Variants in SETDB1 observed in about 807,000 individuals in gnomAD.
The protein encoded by SETDB1 is histone-lysine N-methyltransferase SETDB1.
Under a neutral mutation model 137.4 loss-of-function variants are expected in SETDB1, and 31 were observed. That is an observed-to-expected ratio of 0.23 (90% confidence interval 0.17 to 0.30). The LOEUF (loss-of-function observed/expected upper bound fraction) is 0.30. Among genes scored for constraint, SETDB1 ranks in the 10% least tolerant of loss-of-function variants. The pLI is 1.00. For missense variants in SETDB1, 1,113 were observed against 1,631.5 expected (o/e 0.68, Z 5.47); for synonymous variants, 548 against 579.9 (o/e 0.95, Z 0.79).
At chr1:150,955,624 A>G (rs943138219) in intron 14 of SETDB1, among the ~76,000 whole-genome samples, 2 of 152,152 alleles carry the variant, frequency 1.3e-5, no homozygotes, top group Non-Finnish European at 2.9e-5. Context: ...TTACTCCCTT[A>G]ATTCTCTCAT....
In SETDB1 at chr1:150,951,158, T is replaced by C; in HGVS notation, c.2216+68T>C. 2.0e-6 allele frequency: 3 copies of C among 1,503,386 alleles called. No individual in the cohort carries two copies. The South Asian group carries it at 3.7e-5, about 19-fold the overall frequency. The allele number at this position is 1,503,386 out of a possible 1,614,324, so 93.1% of individuals were successfully genotyped here. On this transcript the variant is annotated intron_variant, in intron 13 of 21. Transcript: ENST00000692827. ...TTATGGTGTCTGTTTCACCTCTTCCTTTGCCTTGTATCTGTACTGCTTTCC... is the reference window on the plus strand; with the variant it reads ...TTATGGTGTCTGTTTCACCTCTTCCCTTGCCTTGTATCTGTACTGCTTTCC...
chr1:150,941,698 A>G (rs1266176271), intron 5 of SETDB1, among the ~76,000 whole-genome samples: 1 of 152,174 alleles, frequency 6.6e-6, no homozygotes, highest in Non-Finnish European at 1.5e-5. Context: ...CTCTTGTTAC[A>G]AAAAGGTTTG....
At chr1:150,946,777 A>G in intron 9 of SETDB1, 109 bp from the exon 10 acceptor site, 5 of 1,305,146 alleles carry the variant, frequency 3.8e-6, no homozygotes, top group Middle Eastern at 2.2e-4. Flanking sequence ...TTTAAGGCTC[A>G]TCAGGGAGGA....
chr1:150,928,579 T>C (rs151145423), intron 2 of SETDB1, among the ~76,000 whole-genome samples: 154 of 152,342 alleles, frequency 1.0e-3, no homozygotes, highest in African/African-American at 3.7e-3. Flanking sequence ...CCAAAAGATT[T>C]GTTTCTGGTG....
chr1:150,953,048 T>C (rs587773572), intron 14 of SETDB1, among the ~76,000 whole-genome samples: 13 of 152,250 alleles, frequency 8.5e-5, no homozygotes, highest in African/African-American at 2.9e-4. Flanking sequence ...AGAGACAATG[T>C]TGATAATAGA....
At position 150,949,372 on chromosome 1, in the gene SETDB1, T is replaced by C. The variant is rs1670430598; in HGVS notation, c.1430T>C (p.Leu477Ser). The change falls in exon 12 of 22, where the codon TTG (leucine) becomes TCG (serine). Residue 477 changes from leucine to serine, a missense_variant. Leu to Ser is a moderately radical substitution (Grantham distance 145). Coordinates refer to ENST00000692827, the MANE Select transcript of SETDB1 (RefSeq NM_001366418.1). Reference sequence around the variant, plus strand: ...CCTCTTCTCTAATCTCCTAGAAGCTTGGAAAGCCAGCTTGCCCAGTCACGG... The same window carrying C: ...CCTCTTCTCTAATCTCCTAGAAGCTCGGAAAGCCAGCTTGCCCAGTCACGG... ...LSPQAGDSES[L>S]ESQLAQSRKQ... The C allele has an allele frequency of 1.9e-6, 3 of 1,614,200 alleles. No individual in the cohort carries two copies. The highest frequency in any genetic ancestry group is 1.3e-5 in the African/African-American group (1 of 75,064).
intron 13 of SETDB1, 129 bp from the exon 14 acceptor site, chr1:150,951,236 T>G: frequency 1.8e-6 from 2 of 1,130,454 alleles, no homozygotes; most frequent in Non-Finnish European, 2.6e-6. Flanking sequence ...AAGGCCTCCA[T>G]GAAAGCTATG....
At chr1:150,962,361 G>A (rs1571664214) in intron 17 of SETDB1, among the ~76,000 whole-genome samples, 1 of 152,176 alleles carries the variant, frequency 6.6e-6, no homozygotes, top group East Asian at 1.9e-4. Flanking sequence ...TAGACACGGG[G>A]TTTCACCATG....
At position 150,949,490 on chromosome 1, in the gene SETDB1, C is replaced by G. The variant is rs759253715; in HGVS notation, c.1548C>G (p.Val516=). 1.9e-6 allele frequency: 3 copies of G among 1,614,082 alleles called. No homozygotes were observed. The highest frequency in any genetic ancestry group is 3.3e-5 in the Admixed American group (2 of 59,998). ...SPTSPALSEN[V]SGGKPGINQT... ...CATCTCCTGCACTCAGTGAAAATGT[C>G]TCTGGTGGGAAACCTGGGATCAACC... The change falls in exon 12 of 22, where the codon GTC becomes GTG. Residue 516 remains valine (V), a synonymous_variant. Coordinates refer to ENST00000692827, the MANE Select transcript of SETDB1 (RefSeq NM_001366418.1).
intron 2 of SETDB1, among the ~76,000 whole-genome samples, chr1:150,929,212 A>G (rs1006420413): frequency 6.6e-6 from 1 of 152,116 alleles, no homozygotes; most frequent in African/African-American, 2.4e-5. Context: ...TCCCACCAAC[A>G]GTGTAAAAGT....
intron 4 of SETDB1, among the ~76,000 whole-genome samples, chr1:150,940,955 G>A (rs971768585): frequency 1.1e-4 from 17 of 151,258 alleles, no homozygotes; most frequent in African/African-American, 4.1e-4. Context: ...CCTAAATCAT[G>A]CCATTGCACT....
chr1:150,963,352 C>G (rs587703668), intron 19 of SETDB1, 178 bp from the exon 20 acceptor site: 98 of 732,730 alleles, frequency 1.3e-4, no homozygotes, highest in Non-Finnish European at 2.0e-4. Flanking sequence ...GCTCCTTTGT[C>G]TAGCAGATCT....
At chr1:150,933,361 A>AT (rs992903592) in intron 3 of SETDB1, among the ~76,000 whole-genome samples, 1 of 88,056 alleles carries the variant, frequency 1.1e-5, no homozygotes, top group African/African-American at 4.3e-5. Context: ...TGCCTGGCCT[A>AT]TTTTGTCTTT....
chr1:150,946,882 C>T lies in SETDB1; in HGVS notation c.1141-4C>T. ...CCCTTCATTCTTTTCTCTCAATTCCCCAGGATGACAAAAGATGTGAGTGGA... is the reference window on the plus strand; with the variant it reads ...CCCTTCATTCTTTTCTCTCAATTCCTCAGGATGACAAAAGATGTGAGTGGA... On this transcript the variant is annotated splice_region_variant and splice_polypyrimidine_tract_variant and intron_variant, in intron 9 of 21. Transcript: ENST00000692827. The T allele has an allele frequency of 1.9e-6, 3 of 1,613,976 alleles. No individual in the cohort carries two copies. Among genetic ancestry groups the T allele is most frequent in the Non-Finnish European group, 2.5e-6 (3 of 1,179,892 alleles).
chr1:150,933,280 G>A (rs951781077), intron 3 of SETDB1, among the ~76,000 whole-genome samples: 1 of 151,302 alleles, frequency 6.6e-6, no homozygotes. Context: ...GGCTGGTCTC[G>A]AACTCCTGAG....
chr1:150,938,934 G>A (rs1055051344), intron 3 of SETDB1, among the ~76,000 whole-genome samples: 17 of 151,450 alleles, frequency 1.1e-4, no homozygotes, highest in African/African-American at 3.9e-4. Context: ...CAGAGGTTGC[G>A]GTGAGCCTAG....
chr1:150,964,586 C>A lies in SETDB1; in HGVS notation c.*222C>A. The A allele has an allele frequency of 1.5e-6, 1 of 686,698 alleles. No individual in the cohort carries two copies. The highest frequency in any genetic ancestry group is 2.7e-6 in the Non-Finnish European group (1 of 375,780). The allele number at this position is 686,698 out of a possible 1,614,324, so 42.5% of individuals were successfully genotyped here. On this transcript the variant is annotated 3_prime_UTR_variant, in exon 22 of 22. Transcript: ENST00000692827. Reference sequence around the variant, plus strand: ...GCCCTAAAGGGTGGGGAGAGATCACCACTCTAACCTCGGCCTGACATCCCT... The same window carrying A: ...GCCCTAAAGGGTGGGGAGAGATCACAACTCTAACCTCGGCCTGACATCCCT...
chr1:150,964,228 T>G lies in SETDB1; in HGVS notation c.3762-19T>G. 1 of 1,604,816 alleles carries G rather than the reference T, an allele frequency of 6.2e-7. No homozygotes were observed. The highest frequency in any genetic ancestry group is 8.5e-7 in the Non-Finnish European group (1 of 1,171,674). On this transcript the variant is annotated intron_variant, in intron 21 of 21. Coordinates refer to ENST00000692827, the MANE Select transcript of SETDB1 (RefSeq NM_001366418.1). ...TATCTGCTGTCTTTGCCACACACCA[T>G]CCTTTTCTTCCTCTTCAGAAGAATC...
In SETDB1 at chr1:150,948,983, T is replaced by G. The variant is rs1313172868; in HGVS notation, c.1268-139T>G. Reference sequence around the variant, plus strand: ...ACCTGCCCACTTCGGCCTCCCAAACTGCTGGGATTACAGGCAAGAGCCACT... The same window carrying G: ...ACCTGCCCACTTCGGCCTCCCAAACGGCTGGGATTACAGGCAAGAGCCACT... On this transcript the variant is annotated intron_variant, in intron 10 of 21. Transcript: ENST00000692827. 8.2e-6 allele frequency: 7 copies of G among 850,378 alleles called. No individual in the cohort carries two copies. In the East Asian group the frequency reaches 1.8e-4, roughly 22 times the overall value. 52.7% of individuals were successfully genotyped at this position (850,378 alleles called of 1,614,324 possible).
Sources: gnomAD v4.1 joint callset for allele counts (sites outside exome capture counted in the v4.1 genomes callset) on GRCh38, gnomAD v4.1.1 for gene constraint, MANE v1.5 for transcripts, NCBI Gene and HGNC (gene_info 2026-07-23, HGNC 2026-07-21) for gene names.